Variants in SUGCT observed in about 807,000 individuals in gnomAD.
SUGCT encodes succinyl-CoA:glutarate-CoA transferase, also known as succinyl-CoA:glutarate CoA-transferase.
Under a neutral mutation model 55.0 loss-of-function variants are expected in SUGCT, and 41 were observed. The ratio of observed to expected loss-of-function variants is 0.74; its 90% CI spans 0.58 to 0.97. The LOEUF (loss-of-function observed/expected upper bound fraction) is 0.97, where lower values mean the gene tolerates loss of function less well. SUGCT is among the 50% of genes least tolerant of loss of function. The pLI is 0.00. For synonymous variants in SUGCT, 187 were observed against 200.4 expected (o/e 0.93, Z 0.56); for missense variants, 568 against 547.8 (o/e 1.04, Z -0.37).
intron 12 of SUGCT, among the ~76,000 whole-genome samples, chr7:40,629,063 A>G (rs1799660953): frequency 6.6e-6 from 1 of 152,140 alleles, no homozygotes; most frequent in African/African-American, 2.4e-5. Flanking sequence ...CCAGACTCTT[A>G]GGTTCCTCCT....
intron 7 of SUGCT, among the ~76,000 whole-genome samples, chr7:40,274,148 C>A (rs1242143772): frequency 9.4e-6 from 1 of 106,560 alleles, no homozygotes; most frequent in Non-Finnish European, 1.8e-5. Context: ...TTAACTCTTT[C>A]TCCCCAACAA....
intron 6 of SUGCT, among the ~76,000 whole-genome samples, chr7:40,216,000 C>T (rs1239549554): frequency 6.6e-6 from 1 of 151,930 alleles, no homozygotes; most frequent in African/African-American, 2.4e-5. Context: ...TGAATATATC[C>T]TGCAGCCCAG....
chr7:40,945,586 G>C, the SUGCT span, among the ~76,000 whole-genome samples: 1 of 152,170 alleles, frequency 6.6e-6, no homozygotes, highest in Non-Finnish European at 1.5e-5. Flanking sequence ...AGGGCTGCTT[G>C]ACTGTTGGGG....
At chr7:40,556,761 T>G (rs1795581568) in intron 12 of SUGCT, among the ~76,000 whole-genome samples, 1 of 152,208 alleles carries the variant, frequency 6.6e-6, no homozygotes, top group Admixed American at 6.5e-5. Context: ...TTAAATAAAT[T>G]AATAATTTTA....
chr7:40,873,576 G>T, the SUGCT span, among the ~76,000 whole-genome samples: 1 of 152,142 alleles, frequency 6.6e-6, no homozygotes, highest in Non-Finnish European at 1.5e-5. Context: ...AGTCATTCCT[G>T]CCCTTTCTTC....
At chr7:40,163,373 A>T (rs926801397) in intron 1 of SUGCT, among the ~76,000 whole-genome samples, 3 of 152,166 alleles carry the variant, frequency 2.0e-5, no homozygotes, top group African/African-American at 7.2e-5. Context: ...TGGGAGGTCG[A>T]GGTGGGCAGA....
the SUGCT span, among the ~76,000 whole-genome samples, chr7:40,868,117 C>T: frequency 6.6e-6 from 1 of 152,136 alleles, no homozygotes; most frequent in African/African-American, 2.4e-5. Context: ...CCTATATGCA[C>T]GTGCCTCCTT....
intron 8 of SUGCT, among the ~76,000 whole-genome samples, chr7:40,295,779 A>G (rs181760909): frequency 1.3e-5 from 2 of 152,292 alleles, no homozygotes; most frequent in East Asian, 1.9e-4. Context: ...ATAATTGCCT[A>G]TTTAGGTGCA....
At chr7:40,246,557 G>T (rs1004400179) in intron 7 of SUGCT, among the ~76,000 whole-genome samples, 1 of 149,352 alleles carries the variant, frequency 6.7e-6, no homozygotes, top group Non-Finnish European at 1.5e-5. Context: ...GGCCTAGTGT[G>T]TTCTGATTTA....
At chr7:40,201,499 T>C (rs1422581589) in intron 6 of SUGCT, among the ~76,000 whole-genome samples, 1 of 152,194 alleles carries the variant, frequency 6.6e-6, no homozygotes, top group Non-Finnish European at 1.5e-5. Context: ...TCAGGAAATA[T>C]TTTTTCACCA....
chr7:40,763,588 A>T (rs1788641295), intron 13 of SUGCT, among the ~76,000 whole-genome samples: 1 of 152,170 alleles, frequency 6.6e-6, no homozygotes, highest in South Asian at 2.1e-4. Flanking sequence ...GGCTTGACAC[A>T]GATAATCCTG....
chr7:40,169,565 T>G (rs927535219), intron 1 of SUGCT, among the ~76,000 whole-genome samples: 1 of 152,168 alleles, frequency 6.6e-6, no homozygotes, highest in African/African-American at 2.4e-5. Context: ...GTGATTCCCT[T>G]GACATAATAG....
intron 8 of SUGCT, among the ~76,000 whole-genome samples, chr7:40,300,679 G>C (rs1401926975): frequency 1.3e-5 from 2 of 152,194 alleles, no homozygotes; most frequent in African/African-American, 4.8e-5. Flanking sequence ...AGGTCTCTTC[G>C]GGGTGATGCT....
chr7:40,679,450 T>G (rs1407062596), intron 12 of SUGCT, among the ~76,000 whole-genome samples: 1 of 152,186 alleles, frequency 6.6e-6, no homozygotes, highest in East Asian at 1.9e-4. Flanking sequence ...GTCTTAAGGC[T>G]ACAATCTCAT....
At chr7:40,689,070 AT>A (rs1784580557) in intron 12 of SUGCT, among the ~76,000 whole-genome samples, 1 of 152,130 alleles carries the variant, frequency 6.6e-6, no homozygotes, top group South Asian at 2.1e-4. Flanking sequence ...GGAGAGACTT[AT>A]TTTTCTGAGG....
chr7:40,778,528 A>G (rs1167873024), intron 13 of SUGCT, among the ~76,000 whole-genome samples: 1 of 152,194 alleles, frequency 6.6e-6, no homozygotes, highest in Non-Finnish European at 1.5e-5. Context: ...TCATTGGGTT[A>G]TTTCATAATT....
chr7:40,226,587 C>CTT (rs756344535), intron 6 of SUGCT, among the ~76,000 whole-genome samples: 5 of 141,704 alleles, frequency 3.5e-5, no homozygotes, highest in African/African-American at 5.1e-5. Context: ...AAAACTAACT[C>CTT]TTTTTTTTTT....
chr7:40,893,663 A>G, the SUGCT span, among the ~76,000 whole-genome samples: 1 of 152,100 alleles, frequency 6.6e-6, no homozygotes, highest in African/African-American at 2.4e-5. Flanking sequence ...CAGTAAAAAA[A>G]CCTGTTTTGA....
At chr7:40,945,653 T>A in the SUGCT span, among the ~76,000 whole-genome samples, 1 of 152,164 alleles carries the variant, frequency 6.6e-6, no homozygotes, top group Non-Finnish European at 1.5e-5. Context: ...CTCTGCTGAA[T>A]GAAAATTTTC....
Sources: allele counts gnomAD v4.1 joint callset (sites outside exome capture counted in the v4.1 genomes callset), GRCh38; gene constraint gnomAD v4.1.1; transcripts MANE v1.5; gene names NCBI Gene and HGNC (gene_info 2026-07-23, HGNC 2026-07-21).